Variants in STK3 observed in about 807,000 individuals in gnomAD.
STK3 encodes serine/threonine kinase 3.
STK3 carries 41 observed loss-of-function variants against 58.0 expected under a neutral mutation model. The observed-to-expected ratio is 0.71, with a 90% CI of 0.55 to 0.92. STK3 has a LOEUF of 0.92. Among genes scored for constraint, STK3 ranks in the 40% least tolerant of loss-of-function variants. The pLI, the probability that STK3 is intolerant of heterozygous loss-of-function variation, is 0.00. For missense variants in STK3, 479 were observed against 602.7 expected (o/e 0.79, Z 2.15); for synonymous variants, 170 against 191.0 (o/e 0.89, Z 0.91).
chr8:98,373,091 G>A (rs910443257), intron 2 of STK3, among the ~76,000 whole-genome samples: 6 of 152,298 alleles, frequency 3.9e-5, no homozygotes, highest in Non-Finnish European at 8.8e-5. Flanking sequence ...AAGGAAATTC[G>A]TTGGGTCTGC....
chr8:98,682,069 T>C (rs1283868332), intron 6 of STK3, among the ~76,000 whole-genome samples: 2 of 152,138 alleles, frequency 1.3e-5, no homozygotes, highest in South Asian at 2.1e-4. Context: ...GCAATGAAAA[T>C]CTGCCCAAGC....
At chr8:98,363,578 T>C in the STK3 span, among the ~76,000 whole-genome samples, 1 of 152,046 alleles carries the variant, frequency 6.6e-6, no homozygotes, top group Admixed American at 6.5e-5. Flanking sequence ...GCAGGGGAAA[T>C]GTTCTGTTGG....
intron 8 of STK3, among the ~76,000 whole-genome samples, chr8:98,549,183 CT>C (rs747603621): frequency 6.6e-6 from 1 of 152,174 alleles, no homozygotes; most frequent in Non-Finnish European, 1.5e-5. Flanking sequence ...AGTGCCCAAA[CT>C]GTTTTCCACA....
intron 3 of STK3, among the ~76,000 whole-genome samples, chr8:98,757,134 C>G (rs1195695712): frequency 6.6e-6 from 1 of 151,998 alleles, no homozygotes; most frequent in Non-Finnish European, 1.5e-5. Flanking sequence ...TTTTCCATAG[C>G]AATAGTCTCT....
the STK3 span, among the ~76,000 whole-genome samples, chr8:98,356,387 C>G: frequency 2.6e-5 from 4 of 152,134 alleles, no homozygotes; most frequent in African/African-American, 4.8e-5. Context: ...ACACCAGACT[C>G]AGAGAGAGCT....
chr8:98,598,701 A>C, intron 6 of STK3: 1 of 985,354 alleles, frequency 1.0e-6, no homozygotes, highest in Non-Finnish European at 1.2e-6. Context: ...CCACCAACCA[A>C]ATCACAGGGA....
intron 10 of STK3, among the ~76,000 whole-genome samples, chr8:98,482,470 C>T (rs543133265): frequency 3.9e-5 from 6 of 152,084 alleles, no homozygotes; most frequent in Admixed American, 2.6e-4. Context: ...AAATGAGGGC[C>T]GGGATTAGCA....
At chr8:98,767,129 A>AT in intron 3 of STK3, 114 bp downstream of exon 3, 1 of 1,289,494 alleles carries the variant, frequency 7.8e-7, no homozygotes, top group Non-Finnish European at 1.0e-6. Context: ...CTCAAAAAAA[A>AT]GAAAAGAAAA....
chr8:98,846,856 TACACAC>T lies in STK3; in HGVS notation c.110+36785_110+36790del, dbSNP rs374739035. On this transcript the variant is annotated intron_variant, in intron 3 of 12. Coordinates refer to the STK3 transcript ENST00000523601. ...TTCATTCCTAAACTATTCAGGATCC[TACACAC>T]ACACACACACACACACACACACACA... Among the ~76,000 whole-genome samples, 373 of 143,406 alleles carry T rather than the reference TACACAC, an allele frequency of 2.6e-3. 3 individuals carry two copies. Among genetic ancestry groups the T allele is most frequent in the African/African-American group, 9.1e-3 (354 of 39,026 alleles). 94.1% of individuals were successfully genotyped at this position (143,406 alleles called of 152,430 possible). A position where few individuals can be genotyped will look rare whatever the true frequency, so the allele number is the denominator to read the frequency against.
intron 3 of STK3, among the ~76,000 whole-genome samples, chr8:98,867,173 T>C (rs1023801229): frequency 2.6e-5 from 4 of 152,186 alleles, no homozygotes; most frequent in Non-Finnish European, 4.4e-5. Context: ...TCCTAGCACG[T>C]TGGGAGGCTA....
intron 6 of STK3, among the ~76,000 whole-genome samples, chr8:98,636,826 T>G (rs1242747687): frequency 1.3e-5 from 2 of 152,130 alleles, no homozygotes; most frequent in Non-Finnish European, 2.9e-5. Context: ...TTTTTCCCCT[T>G]AGCAAATGGA....
intron 1 of STK3, among the ~76,000 whole-genome samples, chr8:98,806,947 G>A (rs1833918059): frequency 1.3e-5 from 2 of 152,082 alleles, no homozygotes; most frequent in Non-Finnish European, 2.9e-5. Context: ...AAGGTCAGGA[G>A]ATCGAAACCA....
intron 3 of STK3, among the ~76,000 whole-genome samples, chr8:98,869,537 A>G (rs1837289734): frequency 6.6e-6 from 1 of 152,138 alleles, no homozygotes; most frequent in African/African-American, 2.4e-5. Context: ...GCAGAAGGAG[A>G]TTTGAGAAAC....
the STK3 span, among the ~76,000 whole-genome samples, chr8:98,353,857 C>G: frequency 6.6e-6 from 1 of 151,852 alleles, no homozygotes; most frequent in African/African-American, 2.4e-5. Context: ...ATGGGAAAAA[C>G]ATACTTTTGT....
intron 10 of STK3, among the ~76,000 whole-genome samples, chr8:98,510,871 C>T (rs1396417708): frequency 3.9e-5 from 6 of 152,020 alleles, no homozygotes; most frequent in Admixed American, 1.3e-4. Context: ...ATTGATAATA[C>T]AGAGATATTT....
intron 6 of STK3, among the ~76,000 whole-genome samples, chr8:98,607,536 T>C (rs1816870734): frequency 6.6e-6 from 1 of 152,238 alleles, no homozygotes; most frequent in Non-Finnish European, 1.5e-5. Flanking sequence ...AAATACTCTT[T>C]TTAGCAAATC....
chr8:98,850,443 GA>G (rs1836414544), intron 3 of STK3, among the ~76,000 whole-genome samples: 1 of 152,154 alleles, frequency 6.6e-6, no homozygotes, highest in Non-Finnish European at 1.5e-5. Flanking sequence ...CCAAGAAGCA[GA>G]AAATTACAAT....
rs773723779 is a variant in STK3 at position 98,643,248 on chromosome 8, C to T, written c.685-47079G>A. On this transcript the variant is annotated intron_variant, in intron 6 of 10. Coordinates refer to ENST00000419617, the MANE Select transcript of STK3 (RefSeq NM_006281.4). ...AAATAAAATACAATAAATGAAAGCACAATTAAACAAAAAATAAACTTACCT... is the reference window on the plus strand; with the variant it reads ...AAATAAAATACAATAAATGAAAGCATAATTAAACAAAAAATAAACTTACCT... Among the ~76,000 whole-genome samples, 8 of 152,036 alleles carry T rather than the reference C, an allele frequency of 5.3e-5. 1 individual carries two copies. The highest frequency in any genetic ancestry group is 4.4e-5 in the Non-Finnish European group (3 of 67,972).
rs544259692 is a variant in STK3, at chr8:98,847,531, G to A, written c.110+36116C>T. Among the ~76,000 whole-genome samples, 20 of 152,108 alleles carry A rather than the reference G, an allele frequency of 1.3e-4. No homozygotes were observed. The East Asian group carries it at 2.5e-3, about 19-fold the overall frequency. On this transcript the variant is annotated intron_variant, in intron 3 of 12. Transcript: ENST00000523601. ...TCTTGGTTTAACTGTATTGTTCCTG[G>A]CTGTGTCCCAACACCCCAAGATCCA...
Sources: gnomAD v4.1 joint callset for allele counts (sites outside exome capture counted in the v4.1 genomes callset) on GRCh38, gnomAD v4.1.1 for gene constraint, MANE v1.5 for transcripts, NCBI Gene and HGNC (gene_info 2026-07-23, HGNC 2026-07-21) for gene names.